Variants in TMEM232 observed in about 807,000 individuals in gnomAD.
TMEM232 encodes transmembrane protein 232.
In TMEM232, 80 loss-of-function variants were observed where a neutral mutation model predicts 78.8. The ratio of observed to expected loss-of-function variants is 1.01; its 90% CI spans 0.85 to 1.22. The LOEUF (loss-of-function observed/expected upper bound fraction) is 1.22. TMEM232 is among the 50% of genes most tolerant of loss of function. The probability of loss-of-function intolerance (pLI) is 0.00; values close to 1 mark genes in which losing one functional copy is unlikely to be tolerated. For missense variants in TMEM232, 881 were observed against 742.2 expected (o/e 1.19, Z -2.17); for synonymous variants, 297 against 254.3 (o/e 1.17, Z -1.60).
intron 5 of TMEM232, among the ~76,000 whole-genome samples, chr5:110,630,369 T>C (rs755425511): frequency 6.6e-6 from 1 of 152,108 alleles, no homozygotes; most frequent in Admixed American, 6.5e-5. Flanking sequence ...ACAGAGAAGT[T>C]ATGGGAAATA....
upstream of TMEM232, among the ~76,000 whole-genome samples, chr5:110,727,532 C>A (rs1348408228): frequency 6.6e-6 from 1 of 152,096 alleles, no homozygotes; most frequent in Non-Finnish European, 1.5e-5. Context: ...TTGCTTGAAC[C>A]CAGGAGATGG....
chr5:110,410,062 G>A (rs1755934021), intron 2 of TMEM232, among the ~76,000 whole-genome samples: 1 of 152,170 alleles, frequency 6.6e-6, no homozygotes, highest in South Asian at 2.1e-4. Context: ...GGTAGGGTAT[G>A]TTGACAAAAT....
At chr5:110,394,503 C>A (rs1311449037) in intron 3 of TMEM232, among the ~76,000 whole-genome samples, 1 of 152,108 alleles carries the variant, frequency 6.6e-6, no homozygotes, top group Non-Finnish European at 1.5e-5. Flanking sequence ...TTTTGAGGAA[C>A]TTCCAAGCTG....
chr5:110,679,389 C>T (rs948444925), intron 1 of TMEM232, among the ~76,000 whole-genome samples: 2 of 151,766 alleles, frequency 1.3e-5, no homozygotes, highest in African/African-American at 2.4e-5. Context: ...TTTTTCTTTT[C>T]GAGTTTCTAA....
chr5:110,556,012 T>C lies in TMEM232; in HGVS notation c.1455+12435A>G, dbSNP rs1410689983. 2.0e-5 allele frequency among the ~76,000 whole-genome samples: 3 copies of C among 152,180 alleles called. No homozygotes were observed. In the East Asian group the frequency reaches 5.8e-4, roughly 29 times the overall value. On this transcript the variant is annotated intron_variant, in intron 11 of 13. Coordinates refer to ENST00000455884, the MANE Select transcript of TMEM232 (RefSeq NM_001039763.4). ...AGATTAATATTGATATATGTGGATT[T>C]GATCCTGTCATTGTGTGTTAGCCAG...
intron 3 of TMEM232, among the ~76,000 whole-genome samples, chr5:110,394,715 T>A (rs923363983): frequency 6.6e-6 from 1 of 152,242 alleles, no homozygotes; most frequent in Non-Finnish European, 1.5e-5. Context: ...GAGCATATTG[T>A]TTAATTTCCA....
chr5:110,552,293 G>A (rs959159807), intron 11 of TMEM232, among the ~76,000 whole-genome samples: 1 of 151,662 alleles, frequency 6.6e-6, no homozygotes, highest in Non-Finnish European at 1.5e-5. Flanking sequence ...ACTAATAGAG[G>A]AAAAAATACA....
At chr5:110,662,408 T>C (rs983234451) in intron 2 of TMEM232, among the ~76,000 whole-genome samples, 1 of 152,138 alleles carries the variant, frequency 6.6e-6, no homozygotes, top group Non-Finnish European at 1.5e-5. Flanking sequence ...AATTAGAATA[T>C]GGTTATGATA....
intron 8 of TMEM232, among the ~76,000 whole-genome samples, chr5:110,608,426 T>A (rs1468114306): frequency 2.0e-5 from 3 of 151,904 alleles, no homozygotes; most frequent in African/African-American, 7.2e-5. Flanking sequence ...TTCCCCAGAC[T>A]ACTTATCATT....
At chr5:110,461,150 C>T (rs1047067106) in intron 12 of TMEM232, among the ~76,000 whole-genome samples, 4 of 151,576 alleles carry the variant, frequency 2.6e-5, no homozygotes, top group Non-Finnish European at 4.4e-5. Flanking sequence ...CTGCAATAGG[C>T]CAAAAGCTAG....
At chr5:110,453,933 A>T (rs897030408) in intron 12 of TMEM232, among the ~76,000 whole-genome samples, 2 of 152,122 alleles carry the variant, frequency 1.3e-5, no homozygotes, top group Admixed American at 6.5e-5. Flanking sequence ...TGTGATTAAT[A>T]AAAAAAATCA....
chr5:110,437,916 A>G (rs776831532), intron 12 of TMEM232, among the ~76,000 whole-genome samples: 4 of 152,220 alleles, frequency 2.6e-5, no homozygotes, highest in Non-Finnish European at 5.9e-5. Context: ...CTCAGGTGCT[A>G]TTACTCAAAC....
At position 110,618,447 on chromosome 5, in the gene TMEM232, T is replaced by C. The variant is rs1783215687; in HGVS notation, c.884A>G (p.Gln295Arg). The C allele has an allele frequency of 1.3e-6, 2 of 1,550,884 alleles. No individual in the cohort carries two copies. The highest frequency in any genetic ancestry group is 2.4e-5 in the East Asian group (1 of 40,862). Reference protein sequence around the residue: ...VLEHLVFHKTQLQKKCWLDSV... With the variant: ...VLEHLVFHKTRLQKKCWLDSV... ...CTCTTACCAGCATTTCTTTTGAAGCTGTGTCTTATGGAAGACGAGATGTTC... is the reference window on the plus strand; with the variant it reads ...CTCTTACCAGCATTTCTTTTGAAGCCGTGTCTTATGGAAGACGAGATGTTC... Residue 295 changes from glutamine (Q) to arginine (R), a missense_variant, in exon 8 of 14, where the codon CAG becomes CGG. Coordinates refer to ENST00000455884, the MANE Select transcript of TMEM232 (RefSeq NM_001039763.4).
intron 12 of TMEM232, among the ~76,000 whole-genome samples, chr5:110,499,646 CAT>C (rs1233546083): frequency 1.1e-4 from 16 of 145,108 alleles, no homozygotes; most frequent in Admixed American, 3.4e-4. Flanking sequence ...CACACACACA[CAT>C]ATATATATAT....
At chr5:110,706,017 C>T (rs757808656) in intron 1 of TMEM232, among the ~76,000 whole-genome samples, 3 of 151,798 alleles carry the variant, frequency 2.0e-5, no homozygotes, top group African/African-American at 4.8e-5. Context: ...TTAAATTAAA[C>T]GGCTATTTGG....
chr5:110,579,204 A>G (rs1777893952), intron 10 of TMEM232, among the ~76,000 whole-genome samples: 1 of 151,586 alleles, frequency 6.6e-6, no homozygotes, highest in Admixed American at 6.6e-5. Flanking sequence ...ATATGTTCAA[A>G]GGGATGGAAG....
intron 12 of TMEM232, among the ~76,000 whole-genome samples, chr5:110,503,085 C>T (rs1766451396): frequency 6.6e-6 from 1 of 151,306 alleles, no homozygotes; most frequent in East Asian, 1.9e-4. Context: ...GCCTAGCCTA[C>T]AGAAGAGATT....
intron 10 of TMEM232, among the ~76,000 whole-genome samples, chr5:110,571,981 T>G (rs1484911377): frequency 6.6e-6 from 1 of 151,958 alleles, no homozygotes; most frequent in Non-Finnish European, 1.5e-5. Flanking sequence ...AATCTAGGTC[T>G]TTACTGCAAT....
At chr5:110,713,069 CA>C (rs1796657054) in intron 1 of TMEM232, among the ~76,000 whole-genome samples, 1 of 151,754 alleles carries the variant, frequency 6.6e-6, no homozygotes, top group South Asian at 2.1e-4. Flanking sequence ...GAGTACTATT[CA>C]GCCATAAAAA....
Sources: allele counts gnomAD v4.1 joint callset (sites outside exome capture counted in the v4.1 genomes callset), GRCh38; gene constraint gnomAD v4.1.1; transcripts MANE v1.5; gene names NCBI Gene and HGNC (gene_info 2026-07-23, HGNC 2026-07-21).